The following CNTN4 variants were observed in gnomAD, a reference collection of about 807,000 sequenced individuals.
The protein encoded by CNTN4 is contactin-4.
A neutral mutation model predicts 122.5 loss-of-function variants in CNTN4; 77 were observed. The ratio of observed to expected loss-of-function variants is 0.63; its 90% CI spans 0.52 to 0.76. CNTN4 has a LOEUF of 0.76. Ranked by LOEUF, CNTN4 falls within the 30% of genes least tolerant of loss-of-function variation. The probability of loss-of-function intolerance (pLI) is 0.00; values close to 1 mark genes in which losing one functional copy is unlikely to be tolerated. For missense variants in CNTN4, 1,256 were observed against 1,259.1 expected, an observed-to-expected ratio of 1.00 and a Z score of 0.04; for synonymous variants, 512 against 447.0, an observed-to-expected ratio of 1.15 and a Z score of -1.83.
intron 6 of CNTN4, among the ~76,000 whole-genome samples, chr3:2,776,008 C>A (rs1471684890): frequency 6.6e-6 from 1 of 152,174 alleles, no homozygotes; most frequent in Non-Finnish European, 1.5e-5. Context: ...TTTATACATA[C>A]TTATGTCATA....
At chr3:2,372,756 ATTGT>A (rs1209532267) in intron 3 of CNTN4, among the ~76,000 whole-genome samples, 1 of 151,876 alleles carries the variant, frequency 6.6e-6, no homozygotes. Context: ...GCTGTAATAA[ATTGT>A]TTGACTTAGG....
At chr3:2,697,594 C>G (rs2086110332) in intron 4 of CNTN4, among the ~76,000 whole-genome samples, 1 of 152,132 alleles carries the variant, frequency 6.6e-6, no homozygotes, top group African/African-American at 2.4e-5. Context: ...GACAATGGAT[C>G]TTAAGTCTTT....
chr3:2,463,570 G>T (rs1391018321), intron 3 of CNTN4, among the ~76,000 whole-genome samples: 1 of 152,078 alleles, frequency 6.6e-6, no homozygotes, highest in South Asian at 2.1e-4. Context: ...GACCAGCCTG[G>T]GCAACATGGT....
chr3:2,408,620 T>C (rs1042123196), intron 3 of CNTN4, among the ~76,000 whole-genome samples: 2 of 152,182 alleles, frequency 1.3e-5, no homozygotes, highest in African/African-American at 4.8e-5. Context: ...TCCCAATTTT[T>C]CTCTTCAAGT....
At chr3:2,237,579 T>A (rs11917759) in intron 2 of CNTN4, among the ~76,000 whole-genome samples, 29,461 of 152,136 alleles carry the variant, frequency 0.19, 3,400 homozygotes, top group South Asian at 0.37. Flanking sequence ...GCTTATGCCA[T>A]TTAAAAGCTT....
chr3:2,476,819 C>A (rs1450450990), intron 3 of CNTN4, among the ~76,000 whole-genome samples: 1 of 152,078 alleles, frequency 6.6e-6, no homozygotes, highest in Non-Finnish European at 1.5e-5. Context: ...GTAAAGTATA[C>A]CTTAGCAAAC....
intron 6 of CNTN4, among the ~76,000 whole-genome samples, chr3:2,768,352 A>G (rs1447111493): frequency 1.3e-5 from 2 of 152,216 alleles, no homozygotes; most frequent in South Asian, 2.1e-4. Flanking sequence ...ACAAAAATCA[A>G]TGTGGCTACA....
chr3:2,189,887 C>T (rs534434994), intron 2 of CNTN4, among the ~76,000 whole-genome samples: 4 of 152,258 alleles, frequency 2.6e-5, no homozygotes, highest in East Asian at 1.9e-4. Flanking sequence ...CTGTGATTAC[C>T]GGAGGTTATC....
At chr3:2,677,878 C>G (rs554839382) in intron 4 of CNTN4, among the ~76,000 whole-genome samples, 1 of 152,086 alleles carries the variant, frequency 6.6e-6, no homozygotes, top group African/African-American at 2.4e-5. Flanking sequence ...GCAATAAACA[C>G]AAGAGTGTGT....
intron 7 of CNTN4, among the ~76,000 whole-genome samples, chr3:2,836,054 A>G (rs1298215195): frequency 6.6e-6 from 1 of 152,292 alleles, no homozygotes; most frequent in African/African-American, 2.4e-5. Flanking sequence ...AATTTTCTAT[A>G]AAATATTTAA....
At chr3:2,213,319 A>C (rs2038700890) in intron 2 of CNTN4, among the ~76,000 whole-genome samples, 1 of 151,898 alleles carries the variant, frequency 6.6e-6, no homozygotes, top group Admixed American at 6.6e-5. Flanking sequence ...TGCTTTATTT[A>C]CCCCTTGCCT....
intron 3 of CNTN4, among the ~76,000 whole-genome samples, chr3:2,387,838 A>T (rs1020810087): frequency 2.0e-5 from 3 of 152,222 alleles, no homozygotes; most frequent in Non-Finnish European, 4.4e-5. Context: ...TATCATTAGA[A>T]GACAGAAAAC....
At chr3:2,694,936 G>A (rs2728025) in intron 4 of CNTN4, among the ~76,000 whole-genome samples, 3,055 of 152,194 alleles carry the variant, frequency 0.02, 117 homozygotes, top group African/African-American at 0.07. Context: ...TAAATGAACC[G>A]TTTGGTTTTA....
intron 2 of CNTN4, among the ~76,000 whole-genome samples, chr3:2,204,172 G>A (rs2038233326): frequency 6.6e-6 from 1 of 152,040 alleles, no homozygotes; most frequent in Non-Finnish European, 1.5e-5. Context: ...AAAATGCAGA[G>A]CAGGTAACTT....
At chr3:2,732,388 C>T (rs969928378) in intron 4 of CNTN4, among the ~76,000 whole-genome samples, 5 of 152,104 alleles carry the variant, frequency 3.3e-5, no homozygotes, top group East Asian at 1.9e-4. Context: ...CAGTCTAACT[C>T]GGAGACGCAT....
chr3:2,598,148 C>G (rs78867335), intron 4 of CNTN4, among the ~76,000 whole-genome samples: 1,538 of 152,250 alleles, frequency 0.01, 24 homozygotes, highest in African/African-American at 0.034. Flanking sequence ...TTTCTTCCGA[C>G]TTCCTTTAGT....
intron 15 of CNTN4, 77 bp downstream of exon 15, chr3:3,026,354 T>C (rs954217849): frequency 4.8e-5 from 63 of 1,303,194 alleles, no homozygotes; most frequent in South Asian, 2.2e-4. Context: ...GTTACTATTT[T>C]AGAATTTTGT....
In CNTN4 at chr3:2,334,411, G is replaced by A. The variant is rs145053211; in HGVS notation, c.-144-4767G>A. Among the ~76,000 whole-genome samples, 286 of 152,154 alleles carry A rather than the reference G, an allele frequency of 1.9e-3. 1 individual carries two copies. Among genetic ancestry groups the A allele is most frequent in the African/African-American group, 6.4e-3 (264 of 41,520 alleles). On this transcript the variant is annotated intron_variant, in intron 2 of 24. Coordinates refer to ENST00000418658, the MANE Select transcript of CNTN4 (RefSeq NM_175607.3). Reference sequence around the variant, plus strand: ...TTACCTCAAGTGATCTGCCCCCTTCGGCCTTCCAAATTGCTGGGATTACAG... The same window carrying A: ...TTACCTCAAGTGATCTGCCCCCTTCAGCCTTCCAAATTGCTGGGATTACAG...
At position 2,117,426 on chromosome 3, in the gene CNTN4, CCTT is replaced by C. The variant is rs1425077971; in HGVS notation, c.-145+16790_-145+16792del. Reference sequence around the variant, plus strand: ...GTCTGGAAGTGCATCTGAACGCTGTCCTTCTGCATTTTTCTGGGAGCTTCATTA... The same window carrying C: ...GTCTGGAAGTGCATCTGAACGCTGTCCTGCATTTTTCTGGGAGCTTCATTA... On this transcript the variant is annotated intron_variant, in intron 2 of 24. Coordinates refer to ENST00000418658, the MANE Select transcript of CNTN4 (RefSeq NM_175607.3). Among the ~76,000 whole-genome samples the C allele has an allele frequency of 2.6e-5, 4 of 152,314 alleles. No homozygotes were observed. In the East Asian group the frequency reaches 5.8e-4, roughly 22 times the overall value.
Sources: allele counts gnomAD v4.1 joint callset (sites outside exome capture counted in the v4.1 genomes callset), GRCh38; gene constraint gnomAD v4.1.1; transcripts MANE v1.5; gene names NCBI Gene and HGNC (gene_info 2026-07-23, HGNC 2026-07-21).